Variants in EYA1 observed in about 807,000 individuals in gnomAD.
The protein encoded by EYA1 is EYA transcriptional coactivator and phosphatase 1.
A neutral mutation model predicts 82.0 loss-of-function variants in EYA1; 16 were observed. The ratio of observed to expected loss-of-function variants is 0.20; its 90% CI spans 0.13 to 0.30. The LOEUF is 0.30. EYA1 is among the 10% of genes least tolerant of loss of function. EYA1 has a pLI of 1.00. For synonymous variants in EYA1, 261 were observed against 264.4 expected (o/e 0.99, Z 0.12); for missense variants, 633 against 730.7 (o/e 0.87, Z 1.54).
intron 12 of EYA1, among the ~76,000 whole-genome samples, chr8:71,235,962 A>G (rs746084612): frequency 2.0e-5 from 3 of 152,206 alleles, no homozygotes; most frequent in Non-Finnish European, 4.4e-5. Flanking sequence ...AAACTTGAAA[A>G]TATATCGTCG....
At chr8:71,276,659 T>C (rs528753800) in intron 9 of EYA1, among the ~76,000 whole-genome samples, 8 of 152,296 alleles carry the variant, frequency 5.3e-5, no homozygotes, top group African/African-American at 1.9e-4. Flanking sequence ...AACAGGCTAT[T>C]TCCAGGATCG....
intron 2 of EYA1, among the ~76,000 whole-genome samples, chr8:71,449,484 C>A (rs1807177555): frequency 6.6e-6 from 1 of 152,128 alleles, no homozygotes; most frequent in Admixed American, 6.5e-5. Context: ...AATCTTTTTT[C>A]CTGAGCAGTA....
intron 2 of EYA1, among the ~76,000 whole-genome samples, chr8:71,453,122 T>A (rs1375798955): frequency 6.6e-6 from 1 of 152,158 alleles, no homozygotes; most frequent in Admixed American, 6.5e-5. Context: ...ACGTGACGAA[T>A]GCACAAGCTT....
intron 12 of EYA1, among the ~76,000 whole-genome samples, chr8:71,229,273 T>C (rs1201638073): frequency 1.3e-5 from 2 of 152,018 alleles, no homozygotes; most frequent in Non-Finnish European, 2.9e-5. Context: ...CCCTTCTCCA[T>C]CCCTGACATA....
chr8:71,393,207 T>C (rs1829378200), intron 2 of EYA1, among the ~76,000 whole-genome samples: 1 of 152,182 alleles, frequency 6.6e-6, no homozygotes, highest in South Asian at 2.1e-4. Context: ...AATGAGTTCA[T>C]AATTATGCAA....
intron 2 of EYA1, among the ~76,000 whole-genome samples, chr8:71,506,157 A>G (rs543288850): frequency 6.6e-6 from 1 of 152,320 alleles, no homozygotes; most frequent in East Asian, 1.9e-4. Context: ...ATGGACTAAT[A>G]CAATGATTTT....
At chr8:71,396,542 G>A (rs540716678) in intron 2 of EYA1, among the ~76,000 whole-genome samples, 3 of 152,188 alleles carry the variant, frequency 2.0e-5, no homozygotes, top group Admixed American at 6.5e-5. Flanking sequence ...CCTTCATTTC[G>A]TTATATAGCC....
intron 12 of EYA1, among the ~76,000 whole-genome samples, chr8:71,241,727 A>G (rs1248690306): frequency 6.6e-6 from 1 of 152,134 alleles, no homozygotes; most frequent in African/African-American, 2.4e-5. Context: ...ATCCATTGCT[A>G]GTTGGAGTGT....
rs56732183 is a variant in EYA1, at chr8:71,533,796, C to T, written c.33+1948G>A. On this transcript the variant is annotated intron_variant, in intron 2 of 18. Transcript: ENST00000643681. The stretch of plus-strand genomic sequence containing the variant: ...GCAGTCAGCTGCCAAATTGCCAGGA[C>T]ACAGATTCTCCAATCAGTGCCACAC... Among the ~76,000 whole-genome samples, 431 of 152,276 alleles carry T rather than the reference C, an allele frequency of 2.8e-3. 4 individuals are homozygous for T. The highest frequency in any genetic ancestry group is 9.7e-3 in the African/African-American group (404 of 41,560).
chr8:71,231,301 T>C (rs1455177910), intron 12 of EYA1, among the ~76,000 whole-genome samples: 1 of 152,240 alleles, frequency 6.6e-6, no homozygotes. Flanking sequence ...ACCCTCGGCA[T>C]CCATTGTAAA....
intron 2 of EYA1, among the ~76,000 whole-genome samples, chr8:71,376,772 C>T (rs544912038): frequency 2.0e-5 from 3 of 152,246 alleles, no homozygotes; most frequent in Admixed American, 1.3e-4. Context: ...CTTGCTCATA[C>T]AAGAACATGA....
chr8:71,310,493 T>G (rs1821217261), intron 7 of EYA1, among the ~76,000 whole-genome samples: 1 of 152,146 alleles, frequency 6.6e-6, no homozygotes, highest in African/African-American at 2.4e-5. Context: ...AGCTCCCACT[T>G]ATAGGTGAGA....
At chr8:71,286,199 T>C (rs1818342972) in intron 9 of EYA1, among the ~76,000 whole-genome samples, 1 of 152,128 alleles carries the variant, frequency 6.6e-6, no homozygotes. Flanking sequence ...AACCCGGAAC[T>C]TAAAATAAAA....
chr8:71,238,213 C>T (rs1431782302), intron 12 of EYA1, among the ~76,000 whole-genome samples: 1 of 152,070 alleles, frequency 6.6e-6, no homozygotes, highest in African/African-American at 2.4e-5. Flanking sequence ...TTATTTAAAA[C>T]ATACACAATT....
intron 2 of EYA1, among the ~76,000 whole-genome samples, chr8:71,387,196 T>G (rs185944983): frequency 1.7e-3 from 262 of 151,986 alleles, no homozygotes; most frequent in African/African-American, 6.1e-3. Flanking sequence ...TGACAGTCAG[T>G]GATGAATGAC....
intron 2 of EYA1, among the ~76,000 whole-genome samples, chr8:71,390,066 T>C (rs1829189192): frequency 6.6e-6 from 1 of 152,182 alleles, no homozygotes; most frequent in Admixed American, 6.5e-5. Context: ...TTGGAGGTAA[T>C]GACTTATATG....
intron 4 of EYA1, among the ~76,000 whole-genome samples, chr8:71,331,350 ACAGTT>A (rs1823840553): frequency 1.3e-5 from 2 of 151,754 alleles, no homozygotes; most frequent in Non-Finnish European, 2.9e-5. Context: ...TTACCACAGT[ACAGTT>A]ATCAAAATCA....
chr8:71,396,159 G>T (rs1285832953), intron 2 of EYA1, among the ~76,000 whole-genome samples: 2 of 152,024 alleles, frequency 1.3e-5, no homozygotes, highest in East Asian at 3.9e-4. Flanking sequence ...ATTTTTTATT[G>T]TGTCTATTTG....
At chr8:71,390,450 A>T (rs1011646552) in intron 2 of EYA1, among the ~76,000 whole-genome samples, 6 of 151,978 alleles carry the variant, frequency 3.9e-5, no homozygotes, top group Admixed American at 3.9e-4. Context: ...TTTTGTGGAG[A>T]TGGGATCTTG....
Sources: allele counts gnomAD v4.1 joint callset (sites outside exome capture counted in the v4.1 genomes callset), GRCh38; gene constraint gnomAD v4.1.1; transcripts MANE v1.5; gene names NCBI Gene and HGNC (gene_info 2026-07-23, HGNC 2026-07-21).